Variants in CSPP1 observed in about 807,000 individuals in gnomAD.
The protein encoded by CSPP1 is centrosome and spindle pole-associated protein 1.
Under a neutral mutation model 164.4 loss-of-function variants are expected in CSPP1, and 126 were observed. The observed-to-expected ratio is 0.77, with a 90% CI of 0.66 to 0.89. The LOEUF (loss-of-function observed/expected upper bound fraction) is 0.89, where lower values mean the gene tolerates loss of function less well. CSPP1 is among the 40% of genes least tolerant of loss of function. The pLI, the probability that CSPP1 is intolerant of heterozygous loss-of-function variation, is 0.00. For synonymous variants in CSPP1, 472 were observed against 476.7 expected, an observed-to-expected ratio of 0.99 and a Z score of 0.13; for missense variants, 1,395 against 1,449.8, an observed-to-expected ratio of 0.96 and a Z score of 0.61.
intron 28 of CSPP1, among the ~76,000 whole-genome samples, chr8:67,183,646 A>G (rs1270498087): frequency 6.6e-6 from 1 of 152,178 alleles, no homozygotes; most frequent in Non-Finnish European, 1.5e-5. Context: ...AGGTAGCAGA[A>G]ATAATGCTTG....
intron 9 of CSPP1, among the ~76,000 whole-genome samples, chr8:67,110,999 G>A (rs1816739567): frequency 6.6e-6 from 1 of 152,048 alleles, no homozygotes; most frequent in East Asian, 1.9e-4. Flanking sequence ...TGTAATTTAT[G>A]TTACCTCTAC....
chr8:67,184,160 G>T (rs550464831), intron 28 of CSPP1, among the ~76,000 whole-genome samples: 1 of 152,080 alleles, frequency 6.6e-6, no homozygotes, highest in South Asian at 2.1e-4. Context: ...GCCAAAAATT[G>T]GTAAATTTTT....
intron 21 of CSPP1, among the ~76,000 whole-genome samples, chr8:67,159,870 T>C (rs576803229): frequency 1.2e-4 from 6 of 50,750 alleles, no homozygotes; most frequent in African/African-American, 5.6e-4. Flanking sequence ...CTTTCTTTCT[T>C]TCTTTCTTTC....
intron 6 of CSPP1, 92 bp downstream of exon 6, chr8:67,093,733 CT>C (rs1204626657): frequency 1.1e-4 from 76 of 706,060 alleles, no homozygotes; most frequent in South Asian, 3.3e-4. Flanking sequence ...AGACATTTTA[CT>C]TTTTTTTGTA....
chr8:67,160,013 TTTC>T (rs1185275821), intron 21 of CSPP1, among the ~76,000 whole-genome samples: 3 of 101,460 alleles, frequency 3.0e-5, no homozygotes, highest in Non-Finnish European at 3.5e-5. Flanking sequence ...TTTCTTTTCT[TTTC>T]TTTTCTTTTC....
chr8:67,163,673 T>G, intron 22 of CSPP1, 59 bp from the exon 23 acceptor site: 1 of 1,315,750 alleles, frequency 7.6e-7, no homozygotes, highest in East Asian at 2.3e-5. Context: ...AATTACTCCC[T>G]TCAAGCTTCT....
chr8:67,168,363 C>T (rs1034985506), intron 24 of CSPP1, among the ~76,000 whole-genome samples: 3 of 151,602 alleles, frequency 2.0e-5, no homozygotes, highest in Admixed American at 6.6e-5. Context: ...GGAGACCTAA[C>T]GGTTTTTTGA....
chr8:67,195,630 G>GTGAA lies in CSPP1; in HGVS notation c.*38_*41dup. On this transcript the variant is annotated 3_prime_UTR_variant, in exon 31 of 31. Transcript: ENST00000678616. Reference sequence around the variant, plus strand: ...ACTGGACCCAGTAGTGCCTTTTAAGGTGAAAGGAATGGTAAATCTGTACCT... The same window carrying GTGAA: ...ACTGGACCCAGTAGTGCCTTTTAAGGTGAATGAAAGGAATGGTAAATCTGTACCT... The GTGAA allele has an allele frequency of 6.4e-7, 1 of 1,571,280 alleles. No homozygotes were observed. Among genetic ancestry groups the GTGAA allele is most frequent in the East Asian group, 2.3e-5 (1 of 44,400 alleles).
At chr8:67,072,927 T>C (rs1807139057) in intron 1 of CSPP1, among the ~76,000 whole-genome samples, 1 of 148,304 alleles carries the variant, frequency 6.7e-6, no homozygotes. Context: ...AAAGGGCAGA[T>C]TTGAGTAGAT....
intron 3 of CSPP1, among the ~76,000 whole-genome samples, chr8:67,078,856 C>T (rs1188548139): frequency 6.6e-6 from 1 of 152,166 alleles, no homozygotes; most frequent in African/African-American, 2.4e-5. Flanking sequence ...GCCTATAATC[C>T]TAGCTACTTG....
At chr8:67,192,019 T>G (rs1836393274) in intron 29 of CSPP1, among the ~76,000 whole-genome samples, 1 of 152,140 alleles carries the variant, frequency 6.6e-6, no homozygotes, top group African/African-American at 2.4e-5. Flanking sequence ...ATTAGCCAGT[T>G]GTATATTTTC....
At chr8:67,154,179 A>C (rs752377304) in intron 19 of CSPP1, 43 bp downstream of exon 19, 4 of 964,614 alleles carry the variant, frequency 4.1e-6, no homozygotes, top group South Asian at 1.4e-5. Flanking sequence ...ATGAGATTTT[A>C]ATAAACAAAA....
intron 17 of CSPP1, among the ~76,000 whole-genome samples, chr8:67,149,423 C>T (rs559477567): frequency 6.6e-6 from 1 of 152,096 alleles, no homozygotes; most frequent in African/African-American, 2.4e-5. Context: ...ATTAGGAGAC[C>T]GATGACAGGT....
intron 26 of CSPP1, 167 bp downstream of exon 26, chr8:67,175,603 G>A: frequency 1.3e-6 from 1 of 772,636 alleles, no homozygotes. Flanking sequence ...AAGTATGAGA[G>A]AGAGCTCTGA....
intron 28 of CSPP1, among the ~76,000 whole-genome samples, chr8:67,185,773 TG>T (rs1197006260): frequency 6.6e-6 from 1 of 151,804 alleles, no homozygotes; most frequent in East Asian, 1.9e-4. Flanking sequence ...ATGAGGAAGC[TG>T]AAGAAAAAGC....
intron 7 of CSPP1, chr8:67,099,535 T>G (rs1563551583): frequency 6.6e-6 from 1 of 152,164 alleles, no homozygotes; most frequent in Non-Finnish European, 1.5e-5. Flanking sequence ...CTTAGACATT[T>G]AGTGAGTGCA....
intron 7 of CSPP1, chr8:67,099,428 G>C (rs1813568642): frequency 6.6e-6 from 1 of 152,102 alleles, no homozygotes; most frequent in Non-Finnish European, 1.5e-5. Context: ...CACAAGGATA[G>C]TCTTAATCTG....
At chr8:67,156,577 A>G (rs16933176) in intron 19 of CSPP1, among the ~76,000 whole-genome samples, 302 of 152,344 alleles carry the variant, frequency 2.0e-3, no homozygotes, top group Middle Eastern at 6.8e-3. Flanking sequence ...AAGAAAATGT[A>G]AAATAGATCA....
At chr8:67,110,531 A>G (rs1816636495) in intron 9 of CSPP1, among the ~76,000 whole-genome samples, 1 of 152,122 alleles carries the variant, frequency 6.6e-6, no homozygotes, top group South Asian at 2.1e-4. Context: ...CTGTGAATGC[A>G]CAAACTAGCA....
Sources: gnomAD v4.1 joint callset for allele counts (sites outside exome capture counted in the v4.1 genomes callset) on GRCh38, gnomAD v4.1.1 for gene constraint, MANE v1.5 for transcripts, NCBI Gene and HGNC (gene_info 2026-07-23, HGNC 2026-07-21) for gene names.